Variants in LUZP4 observed in about 807,000 individuals in gnomAD.
LUZP4 encodes the protein HOM-TES-85 tumor antigen.
A neutral mutation model predicts 8.5 loss-of-function variants in LUZP4; 11 were observed. The observed-to-expected ratio is 1.30, with a 90% CI of 0.82 to 2.14. The LOEUF is 2.14. Among genes scored for constraint, LUZP4 ranks in the 30% most tolerant of loss-of-function variants. LUZP4 has a pLI of 0.00. For missense variants in LUZP4, 276 were observed against 229.7 expected (o/e 1.20, Z -1.30); for synonymous variants, 104 against 79.4 (o/e 1.31, Z -1.65).
chrX:115,292,668 C>T (rs782795191), intron 1 of LUZP4, among the ~76,000 whole-genome samples: 11 of 110,350 alleles, frequency 1.0e-4, no homozygotes, highest in African/African-American at 1.3e-4. Context: ...TAATTAGATG[C>T]GGTGAGATTG....
At position 115,307,184 on chromosome X, in the gene LUZP4, A is replaced by G. The variant is rs1306297906; in HGVS notation, c.*380A>G. 1 of 169,264 alleles carries G rather than the reference A, an allele frequency of 5.9e-6. No individual in the cohort carries two copies. Among genetic ancestry groups the G allele is most frequent in the Admixed American group, 7.1e-5 (1 of 14,122 alleles). The allele number at this position is 169,264 out of a possible 1,213,427, so 13.9% of individuals were successfully genotyped here. Reference sequence around the variant, plus strand: ...AACCTGGTAGGTAAGCTAATCTAACAACTAACTGCCAAATTGATAATATAT... The same window carrying G: ...AACCTGGTAGGTAAGCTAATCTAACGACTAACTGCCAAATTGATAATATAT... On this transcript the variant is annotated 3_prime_UTR_variant, in exon 4 of 4. Transcript: ENST00000371920.
intron 1 of LUZP4, among the ~76,000 whole-genome samples, chrX:115,296,067 CACTT>C (rs1434446412): frequency 3.6e-5 from 4 of 111,650 alleles, no homozygotes; most frequent in Admixed American, 9.6e-5. Flanking sequence ...GAACCTAAGT[CACTT>C]ACATTTTTTG....
rs371208058 is a variant in LUZP4, at chrX:115,306,559, C to T, written c.697C>T (p.Arg233Cys). 6 of 1,206,765 alleles carry T rather than the reference C, an allele frequency of 5.0e-6. No individual in the cohort carries two copies. The highest frequency in any genetic ancestry group is 2.2e-5 in the Admixed American group (1 of 45,481). Residue 233 changes from arginine (R) to cysteine (C), a missense_variant, in exon 4 of 4, where the codon CGT (arginine) becomes TGT (cysteine). Transcript: ENST00000371920. ...ATCTCATGGTCACTCAAAGAGATCTCGTAGCCAGGGAGATCTTGTGGACAC... is the reference window on the plus strand; with the variant it reads ...ATCTCATGGTCACTCAAAGAGATCTTGTAGCCAGGGAGATCTTGTGGACAC... ...ERSHGHSKRS[R>C]SQGDLVDTQS...
intron 3 of LUZP4, among the ~76,000 whole-genome samples, chrX:115,304,600 C>T (rs1224104496): frequency 9.0e-6 from 1 of 110,762 alleles, no homozygotes; most frequent in Non-Finnish European, 1.9e-5. Flanking sequence ...CCTCTTCTAC[C>T]TCCCAGGCTC....
chrX:115,303,441 C>A, intron 3 of LUZP4, 23 bp downstream of exon 3: 1 of 838,830 alleles, frequency 1.2e-6, no homozygotes, highest in Non-Finnish European at 1.7e-6. Context: ...CAAGAATTAA[C>A]CAATATTAAA....
In LUZP4 at chrX:115,303,304, C is replaced by T. The variant is rs1405022464; in HGVS notation, c.228C>T (p.Tyr76=). 3.6e-6 allele frequency: 4 copies of T among 1,117,868 alleles called. No individual in the cohort carries two copies. In the African/African-American group the frequency reaches 7.3e-5, roughly 20 times the overall value. 92.1% of individuals were successfully genotyped at this position (1,117,868 alleles called of 1,213,427 possible). ...GAAAATATTTATTTTTCAAAGGCTA[C>T]TCAAGATGCAGAAGCAACTCTGAGG... The part of the protein sequence containing the change: ...KAHRHRHRRG[Y]SRCRSNSEEG... Residue 76 remains tyrosine, a synonymous_variant, in exon 3 of 4, where the codon TAC becomes TAT. Coordinates refer to ENST00000371920, the MANE Select transcript of LUZP4 (RefSeq NM_016383.5).
At chrX:115,290,535 A>G (rs781833092) in intron 1 of LUZP4, among the ~76,000 whole-genome samples, 2 of 111,433 alleles carry the variant, frequency 1.8e-5, no homozygotes, top group South Asian at 7.6e-4. Context: ...CAAGGCCCCT[A>G]ACCTCCTCCA....
chrX:115,290,333 C>A (rs1252393743), intron 1 of LUZP4, among the ~76,000 whole-genome samples: 1 of 110,717 alleles, frequency 9.0e-6, no homozygotes, highest in Non-Finnish European at 1.9e-5. Context: ...CGTGGTAGTG[C>A]TAGGAGTTGT....
At chrX:115,292,308 C>T (rs1005295222) in intron 1 of LUZP4, among the ~76,000 whole-genome samples, 16 of 111,126 alleles carry the variant, frequency 1.4e-4, no homozygotes, top group Non-Finnish European at 2.1e-4. Flanking sequence ...TAAGAGCCAA[C>T]TTCATTCTGT....
Position 115,303,328 on chromosome X carries a change from G to A in LUZP4, c.252G>A (p.Glu84=). The part of the protein sequence containing the change: ...RGYSRCRSNS[E]EGNHDKKPSQ... ...ACTCAAGATGCAGAAGCAACTCTGA[G>A]GAAGGAAATCATGATAAAAAACCAT... The change falls in exon 3 of 4, where the codon GAG becomes GAA. Residue 84 remains glutamate, a synonymous_variant. Transcript: ENST00000371920. 8.4e-7 allele frequency: 1 copy of A among 1,193,556 alleles called. No individual in the cohort carries two copies. The highest frequency in any genetic ancestry group is 1.1e-6 in the Non-Finnish European group (1 of 884,770).
intron 1 of LUZP4, among the ~76,000 whole-genome samples, chrX:115,299,192 A>T (rs1211992299): frequency 9.0e-6 from 1 of 111,255 alleles, no homozygotes; most frequent in Non-Finnish European, 1.9e-5. Flanking sequence ...GGGTGGAGTG[A>T]CACAAGCACC....
At chrX:115,289,873 T>C (rs2073340341) in intron 1 of LUZP4, 23 bp downstream of exon 1, 3 of 1,059,526 alleles carry the variant, frequency 2.8e-6, no homozygotes, top group Admixed American at 4.9e-5. Flanking sequence ...CGGATCCCAG[T>C]CTCCACTAGT....
intron 2 of LUZP4, among the ~76,000 whole-genome samples, chrX:115,302,845 A>G (rs1001305878): frequency 8.9e-6 from 1 of 112,537 alleles, no homozygotes; most frequent in Non-Finnish European, 1.9e-5. Context: ...TTATGTGCCT[A>G]ACCAGTCATC....
chrX:115,292,809 T>C (rs187140742), intron 1 of LUZP4, among the ~76,000 whole-genome samples: 190 of 111,273 alleles, frequency 1.7e-3, no homozygotes, highest in Non-Finnish European at 2.8e-3. Flanking sequence ...CCTCCCACTT[T>C]ACTTCTGAGG....
At chrX:115,303,616 TTGC>T (rs1556602585) in intron 3 of LUZP4, among the ~76,000 whole-genome samples, 198 bp downstream of exon 3, 4 of 112,537 alleles carry the variant, frequency 3.6e-5, no homozygotes, top group African/African-American at 1.3e-4. Context: ...CATTTGATTT[TTGC>T]TATTTTCAGT....
At chrX:115,300,277 T>G (rs1389922709) in intron 1 of LUZP4, among the ~76,000 whole-genome samples, 1 of 111,923 alleles carries the variant, frequency 8.9e-6, no homozygotes, top group Non-Finnish European at 1.9e-5. Context: ...AGAGTTGCAG[T>G]CCTTATGGCC....
intron 1 of LUZP4, among the ~76,000 whole-genome samples, chrX:115,299,603 A>G (rs782042928): frequency 1.6e-4 from 18 of 109,558 alleles, no homozygotes; most frequent in African/African-American, 5.7e-4. Context: ...CTGTTGGACT[A>G]CCATAGATGT....
At chrX:115,297,575 G>A (rs1309183300) in intron 1 of LUZP4, among the ~76,000 whole-genome samples, 1 of 111,590 alleles carries the variant, frequency 9.0e-6, no homozygotes, top group African/African-American at 3.3e-5. Context: ...CTTTATATCA[G>A]CCCACTCTCT....
At chrX:115,303,153 A>G in intron 2 of LUZP4, 147 bp from the exon 3 acceptor site, 1 of 319,223 alleles carries the variant, frequency 3.1e-6, no homozygotes, top group Non-Finnish European at 5.7e-6. Context: ...ATTCAGTGAG[A>G]CTCCCAGATG....
Sources: allele counts gnomAD v4.1 joint callset (sites outside exome capture counted in the v4.1 genomes callset), GRCh38; gene constraint gnomAD v4.1.1; transcripts MANE v1.5; gene names NCBI Gene and HGNC (gene_info 2026-07-23, HGNC 2026-07-21).